The following DDN variants were observed in gnomAD, a reference collection of about 807,000 sequenced individuals.
The protein encoded by DDN is dendrin.
DDN carries 4 observed loss-of-function variants against 7.3 expected under a neutral mutation model. The observed-to-expected ratio is 0.55, with a 90% confidence interval of 0.27 to 1.25. DDN has a LOEUF of 1.25. Ranked by LOEUF, DDN falls within the 50% of genes most tolerant of loss-of-function variation. The pLI, the probability that DDN is intolerant of heterozygous loss-of-function variation, is 0.12. For missense variants in DDN, 933 were observed against 974.7 expected (o/e 0.96, Z 0.57); for synonymous variants, 425 against 424.3 (o/e 1.00, Z -0.02).
chr12:48,999,369 C>T lies in DDN; in HGVS notation c.-82G>A. On this transcript the variant is annotated 5_prime_UTR_variant, in exon 1 of 2. Transcript: ENST00000421952. ...CAGCCCAGGGAGCCGGCGCCCACTG[C>T]AGAGCCGCGGGCCCGGGGACTGGGA... The T allele has an allele frequency of 7.5e-7, 1 of 1,325,912 alleles. No homozygotes were observed. Among genetic ancestry groups the T allele is most frequent in the South Asian group, 1.4e-5 (1 of 70,096 alleles). The allele number at this position is 1,325,912 out of a possible 1,614,324, so 82.1% of individuals were successfully genotyped here. A position where few individuals can be genotyped will look rare whatever the true frequency, so the allele number is the denominator to read the frequency against.
Position 48,998,323 on chromosome 12 carries a change from G to C in DDN, c.553C>G (p.Pro185Ala), listed in dbSNP as rs1248062331. ...CAGGGCCCCGCCCACGCCGACCCTGGGTCGCTCTGCGGCTGCGCGGATGGA... is the reference window on the plus strand; with the variant it reads ...CAGGGCCCCGCCCACGCCGACCCTGCGTCGCTCTGCGGCTGCGCGGATGGA... ...PRPSAQPQSD[P>A]GSAWAGPWGG... The change falls in exon 2 of 2, where the codon CCA (proline) becomes GCA (alanine). Residue 185 changes from proline (P) to alanine (A), a missense_variant. Pro to Ala is a conservative substitution (Grantham distance 27). Coordinates refer to ENST00000421952, the MANE Select transcript of DDN (RefSeq NM_015086.2). 4.5e-6 allele frequency: 7 copies of C among 1,561,282 alleles called. No homozygotes were observed. Among genetic ancestry groups the C allele is most frequent in the Non-Finnish European group, 6.0e-6 (7 of 1,159,048 alleles).
chr12:48,998,407 C>A lies in DDN; in HGVS notation c.469G>T (p.Ala157Ser), dbSNP rs1941249181. 4.0e-6 allele frequency: 6 copies of A among 1,499,312 alleles called. No individual in the cohort carries two copies. Among genetic ancestry groups the A allele is most frequent in the Non-Finnish European group, 4.4e-6 (5 of 1,133,254 alleles). The allele number at this position is 1,499,312 out of a possible 1,614,324, so 92.9% of individuals were successfully genotyped here. The part of the protein sequence containing the change: ...PRNAPRVAQL[A>S]GLPAPLRPER... Reference sequence around the variant, plus strand: ...GGCCGCAAGGGAGCAGGGAGCCCTGCCAGCTGGGCCACCCGAGGGGCGTTG... The same window carrying A: ...GGCCGCAAGGGAGCAGGGAGCCCTGACAGCTGGGCCACCCGAGGGGCGTTG... The change falls in exon 2 of 2, where the codon GCA becomes TCA. Residue 157 changes from alanine (A) to serine (S), a missense_variant. By Grantham distance (99) the Ala-to-Ser change is moderately conservative (BLOSUM62 1). Coordinates refer to ENST00000421952, the MANE Select transcript of DDN (RefSeq NM_015086.2).
chr12:48,997,423 C>T lies in DDN; in HGVS notation c.1453G>A (p.Val485Met). The change falls in exon 2 of 2, where the codon GTG (valine) becomes ATG (methionine). Residue 485 changes from valine (V) to methionine (M), a missense_variant. Physicochemically the swap from Val to Met is conservative, Grantham distance 21 (BLOSUM62 1). Coordinates refer to ENST00000421952, the MANE Select transcript of DDN (RefSeq NM_015086.2). Reference protein sequence around the residue: ...VQLLPSGVTRVVGDSPSQSKP... With the variant: ...VQLLPSGVTRMVGDSPSQSKP... ...GATTGGCTGGGGGAATCCCCCACCA[C>T]GCGTGTCACCCCAGAGGGCAAAAGC... 3.1e-6 allele frequency: 5 copies of T among 1,614,110 alleles called. No individual in the cohort carries two copies. The highest frequency in any genetic ancestry group is 4.2e-6 in the Non-Finnish European group (5 of 1,180,046).
In DDN at chr12:48,998,069, T is replaced by C. The variant is rs772821150; in HGVS notation, c.807A>G (p.Thr269=). 35 of 1,613,886 alleles carry C rather than the reference T, an allele frequency of 2.2e-5. No individual in the cohort carries two copies. The highest frequency in any genetic ancestry group is 2.8e-5 in the Non-Finnish European group (33 of 1,180,038). The change falls in exon 2 of 2, where the codon ACA becomes ACG. Residue 269 remains threonine (T), a synonymous_variant. Transcript: ENST00000421952. ...ATPARTDGGR[T]KKRLDPRIYR... ...AGATCCGAGGATCCAGCCTCTTCTT[T>C]GTGCGCCCTCCGTCTGTCCTGGCTG...
In DDN at chr12:48,997,320, A is replaced by G. The variant is rs1941221697; in HGVS notation, c.1556T>C (p.Leu519Pro). 2 of 1,609,702 alleles carry G rather than the reference A, an allele frequency of 1.2e-6. No homozygotes were observed. Among genetic ancestry groups the G allele is most frequent in the African/African-American group, 2.7e-5 (2 of 74,838 alleles). ...GCGGCCCCCGCCGGGCTGGTGTAAAAGGCGACTGCTCGACAGCCGCTTTTG... is the reference window on the plus strand; with the variant it reads ...GCGGCCCCCGCCGGGCTGGTGTAAAGGGCGACTGCTCGACAGCCGCTTTTG... ...PCQKRLSSSR[L>P]LHQPGGGRGG... Residue 519 changes from leucine (L) to proline (P), a missense_variant, in exon 2 of 2, where the codon CTT becomes CCT. Transcript: ENST00000421952.
At position 48,998,076 on chromosome 12, in the gene DDN, C is replaced by T. The variant is rs1317533620; in HGVS notation, c.800G>A (p.Gly267Glu). ...PAATPARTDG[G>E]RTKKRLDPRI... ...AGGATCCAGCCTCTTCTTTGTGCGC[C>T]CTCCGTCTGTCCTGGCTGGAGTCGC... The change falls in exon 2 of 2, where the codon GGG becomes GAG. Residue 267 changes from glycine (G) to glutamate (E), a missense_variant. Coordinates refer to ENST00000421952, the MANE Select transcript of DDN (RefSeq NM_015086.2). 9 of 1,613,934 alleles carry T rather than the reference C, an allele frequency of 5.6e-6. No individual in the cohort carries two copies. The highest frequency in any genetic ancestry group is 2.2e-5 in the East Asian group (1 of 44,896).
chr12:48,999,252 G>C lies in DDN; in HGVS notation c.36C>G (p.Asp12Glu), dbSNP rs779113854. The stretch of plus-strand genomic sequence containing the variant: ...CCTCATCCTGGAGCTCCCGGGGGCT[G>C]TCAGGCCCCTCGGAGAACAGTGGGC... The part of the protein sequence containing the change: ...LDGPLFSEGP[D>E]SPRELQDEES... The change falls in exon 1 of 2, where the codon GAC becomes GAG. Residue 12 changes from aspartate to glutamate, a missense_variant. By Grantham distance (45) the Asp-to-Glu change is conservative. Transcript: ENST00000421952. 2.6e-6 allele frequency: 4 copies of C among 1,562,980 alleles called. No individual in the cohort carries two copies. The highest frequency in any genetic ancestry group is 2.3e-5 in the South Asian group (2 of 85,404).
rs200919291 is a variant in DDN at position 48,998,160 on chromosome 12, G to T, written c.716C>A (p.Thr239Asn). The change falls in exon 2 of 2, where the codon ACC (threonine) becomes AAC (asparagine). Residue 239 changes from threonine (T) to asparagine (N), a missense_variant. By Grantham distance (65) the Thr-to-Asn change is moderately conservative (BLOSUM62 0). Coordinates refer to ENST00000421952, the MANE Select transcript of DDN (RefSeq NM_015086.2). ...CCCGGGGCCTCTCTTAGTCCCCAAGGTCCTATGGGGGCCTTCGTAAGAAGG... is the reference window on the plus strand; with the variant it reads ...CCCGGGGCCTCTCTTAGTCCCCAAGTTCCTATGGGGGCCTTCGTAAGAAGG... Reference protein sequence around the residue: ...APPSYEGPHRTLGTKRGPGNS... With the variant: ...APPSYEGPHRNLGTKRGPGNS... 6.2e-7 allele frequency: 1 copy of T among 1,613,192 alleles called. No homozygotes were observed. The highest frequency in any genetic ancestry group is 1.7e-4 in the Middle Eastern group (1 of 6,056).
At position 48,998,538 on chromosome 12, in the gene DDN, CTT is replaced by C; in HGVS notation, c.336_337del (p.Arg113GlufsTer125). 1 of 1,594,726 alleles carries C rather than the reference CTT, an allele frequency of 6.3e-7. No individual in the cohort carries two copies. Among genetic ancestry groups the C allele is most frequent in the Non-Finnish European group, 8.5e-7 (1 of 1,177,672 alleles). On this transcript the variant is annotated frameshift_variant, in exon 2 of 2. Transcript: ENST00000421952. LOFTEE classifies it low-confidence loss of function (END_TRUNC). ...CTCCCGCTCCTGCGACGCCGCTTTC[CTT>C]TTCTCTTGCTCCCGAGCTCGGACCT...
At position 48,998,584 on chromosome 12, in the gene DDN, G is replaced by A. The variant is rs1240041104; in HGVS notation, c.292C>T (p.Arg98Trp). ...CGGACCTCGGCCAGGGGCCCCGCCC[G>A]CCAGTTGGTCGCCTCCTGCAGCACC... ...SRVLQEATNW[R>W]AGPLAEVRAR... Residue 98 changes from arginine to tryptophan, a missense_variant, in exon 2 of 2, where the codon CGG becomes TGG. Transcript: ENST00000421952. The A allele has an allele frequency of 2.7e-5, 43 of 1,589,146 alleles. No homozygotes were observed. Among genetic ancestry groups the A allele is most frequent in the Non-Finnish European group, 3.7e-5 (43 of 1,175,278 alleles).
chr12:48,999,175 A>G lies in DDN; in HGVS notation c.113T>C (p.Val38Ala). 6.2e-7 allele frequency: 1 copy of G among 1,613,834 alleles called. No homozygotes were observed. The highest frequency in any genetic ancestry group is 8.5e-7 in the Non-Finnish European group (1 of 1,179,898). ...VQKSKLLVIE[V>A]KTISCHYSRR... ...ACTATAATGACAGGAAATAGTCTTC[A>G]CTTCTATCACCAATAGCTTGGACTT... Residue 38 changes from valine (V) to alanine (A), a missense_variant, in exon 1 of 2, where the codon GTG becomes GCG. Val to Ala is a moderately conservative substitution (Grantham distance 64). Coordinates refer to ENST00000421952, the MANE Select transcript of DDN (RefSeq NM_015086.2).
Position 48,996,688 on chromosome 12 carries a change from C to T in DDN, c.*52G>A. On this transcript the variant is annotated 3_prime_UTR_variant, in exon 2 of 2. Coordinates refer to ENST00000421952, the MANE Select transcript of DDN (RefSeq NM_015086.2). ...GAAGTCTGTGGGGAAGAATGGGGAC[C>T]AGTGGACCCAAGGATGGATGCGTTG... 6.3e-7 allele frequency: 1 copy of T among 1,581,290 alleles called. No homozygotes were observed. The highest frequency in any genetic ancestry group is 8.6e-7 in the Non-Finnish European group (1 of 1,160,552).
At position 48,997,875 on chromosome 12, in the gene DDN, T is replaced by G; in HGVS notation, c.1001A>C (p.Gln334Pro). The change falls in exon 2 of 2, where the codon CAA (glutamine) becomes CCA (proline). Residue 334 changes from glutamine (Q) to proline (P), a missense_variant. Transcript: ENST00000421952. ...GCCTGCGCTCCCTGTAGCTTTGGCT[T>G]GGGGATGGCTGTCGCTACCACTGTT... ...DLNSGSDSHP[Q>P]AKATGSAGTE... 6.2e-7 allele frequency: 1 copy of G among 1,612,926 alleles called. No individual in the cohort carries two copies. The highest frequency in any genetic ancestry group is 1.3e-5 in the African/African-American group (1 of 75,034).
Position 48,999,063 on chromosome 12 carries a change from C to A in DDN, c.209+16G>T. 6.2e-7 allele frequency: 1 copy of A among 1,613,750 alleles called. No individual in the cohort carries two copies. The highest frequency in any genetic ancestry group is 1.1e-5 in the South Asian group (1 of 91,062). On this transcript the variant is annotated intron_variant, in intron 1 of 1. Coordinates refer to ENST00000421952, the MANE Select transcript of DDN (RefSeq NM_015086.2). ...CCGCCCCACCACTCTCTTCCCCTCA[C>A]CCCTGCTTCACTCACGTGCGGTTCT...
Position 48,998,109 on chromosome 12 carries a change from G to A in DDN, c.767C>T (p.Ala256Val). 6.2e-7 allele frequency: 1 copy of A among 1,613,888 alleles called. No individual in the cohort carries two copies. The highest frequency in any genetic ancestry group is 8.5e-7 in the Non-Finnish European group (1 of 1,180,044). ...TGTCCTGGCTGGAGTCGCAGCTGGG[G>A]CTGATGAAGTGGGCACCTGAGAGTT... is the stretch of plus-strand genomic sequence containing the variant. The part of the protein sequence containing the change: ...PGNSQVPTSS[A>V]PAATPARTDG... The change falls in exon 2 of 2, where the codon GCC becomes GTC. Residue 256 changes from alanine (A) to valine (V), a missense_variant. Transcript: ENST00000421952.
rs960428738 is a variant in DDN, at chr12:48,996,494, G to A, written c.*246C>T. ...CTCCACACCCAGTGCATCAGCCCCTGCGAAGAGCTCACCCTTGTGCCCTGA... is the reference window on the plus strand; with the variant it reads ...CTCCACACCCAGTGCATCAGCCCCTACGAAGAGCTCACCCTTGTGCCCTGA... On this transcript the variant is annotated 3_prime_UTR_variant, in exon 2 of 2. Coordinates refer to ENST00000421952, the MANE Select transcript of DDN (RefSeq NM_015086.2). 17 of 555,414 alleles carry A rather than the reference G, an allele frequency of 3.1e-5. No individual in the cohort carries two copies. Among genetic ancestry groups the A allele is most frequent in the Admixed American group, 6.8e-5 (2 of 29,320 alleles). The allele number at this position is 555,414 out of a possible 1,614,324, so 34.4% of individuals were successfully genotyped here.
At position 48,997,237 on chromosome 12, in the gene DDN, G is replaced by A. The variant is rs575407427; in HGVS notation, c.1639C>T (p.Arg547Cys). 1.6e-5 allele frequency: 26 copies of A among 1,595,576 alleles called. 1 individual carries two copies. In the South Asian group the frequency reaches 2.3e-4, roughly 14 times the overall value. ...TCGGGGGCCGGGAGCCCCAAGATGC[G>A]GAAAGTGCGCTCCTCCAGTGTGGAG... ...GDSTLEERTF[R>C]ILGLPAPEVN... Residue 547 changes from arginine (R) to cysteine (C), a missense_variant, in exon 2 of 2, where the codon CGC becomes TGC. Arg to Cys is a radical substitution (Grantham distance 180). Transcript: ENST00000421952.
At position 48,997,226 on chromosome 12, in the gene DDN, C is replaced by T. The variant is rs1332366499; in HGVS notation, c.1650G>A (p.Gly550=). 1 of 1,589,766 alleles carries T rather than the reference C, an allele frequency of 6.3e-7. No individual in the cohort carries two copies. Among genetic ancestry groups the T allele is most frequent in the Non-Finnish European group, 8.6e-7 (1 of 1,167,812 alleles). ...GCAGGTTTACTTCGGGGGCCGGGAG[C>T]CCCAAGATGCGGAAAGTGCGCTCCT... ...TLEERTFRIL[G]LPAPEVNLRD... Residue 550 remains glycine, a synonymous_variant, in exon 2 of 2, where the codon GGG becomes GGA. Coordinates refer to ENST00000421952, the MANE Select transcript of DDN (RefSeq NM_015086.2).
rs1483998566 is a variant in DDN at position 48,996,242 on chromosome 12, C to T, written c.*498G>A. On this transcript the variant is annotated 3_prime_UTR_variant, in exon 2 of 2. Coordinates refer to ENST00000421952, the MANE Select transcript of DDN (RefSeq NM_015086.2). The stretch of plus-strand genomic sequence containing the variant: ...CAGTGGCAGAGTTGGGATTGAAATC[C>T]AAGACTTGTGACACCAAGGTGAGCC... The T allele has an allele frequency of 6.5e-6, 1 of 152,916 alleles. No individual in the cohort carries two copies. The highest frequency in any genetic ancestry group is 1.5e-5 in the Non-Finnish European group (1 of 68,536). 9.5% of individuals were successfully genotyped at this position (152,916 alleles called of 1,614,324 possible).
Sources: gnomAD v4.1 joint callset for allele counts on GRCh38, gnomAD v4.1.1 for gene constraint, MANE v1.5 for transcripts, NCBI Gene and HGNC (gene_info 2026-07-23, HGNC 2026-07-21) for gene names.